The following PALS2 variants were observed in gnomAD, a reference collection of about 807,000 sequenced individuals.
PALS2 encodes the protein protein PALS2.
PALS2 carries 27 observed loss-of-function variants against 61.6 expected under a neutral mutation model. The observed-to-expected ratio is 0.44, with a 90% CI of 0.32 to 0.60. The LOEUF (loss-of-function observed/expected upper bound fraction) is 0.60, where lower values mean the gene tolerates loss of function less well. Ranked by LOEUF, PALS2 falls within the 20% of genes least tolerant of loss-of-function variation. PALS2 has a pLI of 0.05. For synonymous variants in PALS2, 236 were observed against 218.6 expected, an observed-to-expected ratio of 1.08 and a Z score of -0.70; for missense variants, 554 against 639.4, an observed-to-expected ratio of 0.87 and a Z score of 1.44.
intron 11 of PALS2, among the ~76,000 whole-genome samples, chr7:24,681,155 G>T (rs1787906236): frequency 6.6e-6 from 1 of 151,788 alleles, no homozygotes; most frequent in African/African-American, 2.4e-5. Context: ...TTTATTATAT[G>T]GTTTATCATT....
intron 3 of PALS2, among the ~76,000 whole-genome samples, chr7:24,642,437 G>A (rs1014798657): frequency 3.9e-5 from 6 of 152,092 alleles, no homozygotes; most frequent in Non-Finnish European, 4.4e-5. Context: ...TCTTGTAAAC[G>A]TATAATAATT....
At chr7:24,612,326 A>G (rs924912270) in intron 1 of PALS2, among the ~76,000 whole-genome samples, 3 of 151,916 alleles carry the variant, frequency 2.0e-5, no homozygotes, top group African/African-American at 7.2e-5. Flanking sequence ...ATACTGCACT[A>G]TTTGAATATA....
In PALS2 at chr7:24,665,569, T is replaced by C; in HGVS notation, c.784-19T>C. The C allele has an allele frequency of 6.2e-7, 1 of 1,610,404 alleles. No homozygotes were observed. Among genetic ancestry groups the C allele is most frequent in the South Asian group, 1.1e-5 (1 of 90,968 alleles). On this transcript the variant is annotated intron_variant, in intron 6 of 11. Transcript: ENST00000222644. ...AAATTTTGGTCACTGAGATGTACAA[T>C]TCATTAATTTGATTCTAGGCTAGCC...
At chr7:24,665,389 T>G (rs970699934) in intron 6 of PALS2, among the ~76,000 whole-genome samples, 199 bp from the exon 7 acceptor site, 7 of 152,208 alleles carry the variant, frequency 4.6e-5, no homozygotes, top group African/African-American at 1.7e-4. Context: ...ATGACAGATA[T>G]GAAGAATTTT....
At chr7:24,673,565 C>T (rs10268614) in intron 9 of PALS2, among the ~76,000 whole-genome samples, 3,599 of 152,144 alleles carry the variant, frequency 0.024, 56 homozygotes, top group Non-Finnish European at 0.034. Flanking sequence ...TTAGTTCAGT[C>T]TCTTTCCTTG....
Position 24,618,945 on chromosome 7 carries a change from T to C in PALS2, c.-2-4721T>C, listed in dbSNP as rs1784392039. On this transcript the variant is annotated intron_variant, in intron 1 of 11. Transcript: ENST00000222644. This position sits in a 1 kb window ranked among gnomAD's most constrained non-coding sequence, Gnocchi z 5.1. ...CTTACCGTCAGCCATCTTACTGACA[T>C]CACTCTTCGTGTCTTGTCTTTTTTT... Among the ~76,000 whole-genome samples, 1 of 152,268 alleles carries C rather than the reference T, an allele frequency of 6.6e-6. No homozygotes were observed. Among genetic ancestry groups the C allele is most frequent in the African/African-American group, 2.4e-5 (1 of 41,474 alleles).
chr7:24,637,038 A>G (rs544254119), intron 2 of PALS2, among the ~76,000 whole-genome samples: 13 of 152,180 alleles, frequency 8.5e-5, no homozygotes, highest in Admixed American at 2.0e-4. Flanking sequence ...AATACTATTA[A>G]AGCCAAGCTT....
chr7:24,665,260 A>G (rs887468783), intron 6 of PALS2, among the ~76,000 whole-genome samples: 2 of 152,238 alleles, frequency 1.3e-5, no homozygotes, highest in Non-Finnish European at 2.9e-5. Context: ...AGGGTGCTAG[A>G]TAAAATGTCC....
intron 1 of PALS2, among the ~76,000 whole-genome samples, chr7:24,615,464 G>A (rs1475190975): frequency 6.6e-6 from 1 of 151,854 alleles, no homozygotes; most frequent in African/African-American, 2.4e-5. Flanking sequence ...ACAACTATAT[G>A]TCAATACATT....
intron 4 of PALS2, 39 bp from the exon 5 acceptor site, chr7:24,650,446 C>G: frequency 6.9e-7 from 1 of 1,442,624 alleles, no homozygotes; most frequent in Non-Finnish European, 9.4e-7. Context: ...GCATTTCTCC[C>G]TAATAATTAA....
chr7:24,659,615 A>G (rs1441949407), intron 5 of PALS2, among the ~76,000 whole-genome samples: 1 of 152,192 alleles, frequency 6.6e-6, no homozygotes, highest in East Asian at 1.9e-4. Context: ...GATGTAGTTT[A>G]GCTCATAACC....
rs1334826545 is a variant in PALS2, at chr7:24,692,722, A to G, written c.*5108A>G. Reference sequence around the variant, plus strand: ...CTTGCTGCCAACCAGACCACTCACAAATCAAACAAAATGTAAGCAAGCAAT... The same window carrying G: ...CTTGCTGCCAACCAGACCACTCACAGATCAAACAAAATGTAAGCAAGCAAT... On this transcript the variant is annotated 3_prime_UTR_variant, in exon 12 of 12. Transcript: ENST00000222644. 2.6e-5 allele frequency: 4 copies of G among 152,152 alleles called. No homozygotes were observed. Among genetic ancestry groups the G allele is most frequent in the Admixed American group, 2.6e-4 (4 of 15,276 alleles). 9.4% of individuals were successfully genotyped at this position (152,152 alleles called of 1,614,324 possible). A position where few individuals can be genotyped will look rare whatever the true frequency, so the allele number is the denominator to read the frequency against.
At chr7:24,683,857 CTTATT>C (rs1433078797) in intron 11 of PALS2, among the ~76,000 whole-genome samples, 5 of 152,124 alleles carry the variant, frequency 3.3e-5, no homozygotes, top group African/African-American at 9.7e-5. Flanking sequence ...TTTTATTTAA[CTTATT>C]TTATCTTATA....
At position 24,675,833 on chromosome 7, in the gene PALS2, A is replaced by G. The variant is rs541732571; in HGVS notation, c.1115-3298A>G. 3.2e-3 allele frequency among the ~76,000 whole-genome samples: 401 copies of G among 126,030 alleles called. 3 individuals carry two copies. Among genetic ancestry groups the G allele is most frequent in the African/African-American group, 0.014 (362 of 25,780 alleles). The allele number at this position is 126,030 out of a possible 152,430, so 82.7% of individuals were successfully genotyped here. A position where few individuals can be genotyped will look rare whatever the true frequency, so the allele number is the denominator to read the frequency against. On this transcript the variant is annotated intron_variant, in intron 9 of 11. Transcript: ENST00000222644. Reference sequence around the variant, plus strand: ...TGGTTCCAAGTCTTTGCTATTATGAATAATGCCGCAATAAACATACGTGTG... The same window carrying G: ...TGGTTCCAAGTCTTTGCTATTATGAGTAATGCCGCAATAAACATACGTGTG...
intron 1 of PALS2, among the ~76,000 whole-genome samples, chr7:24,619,493 G>C (rs532576375): frequency 3.3e-4 from 50 of 152,090 alleles, no homozygotes; most frequent in Non-Finnish European, 6.3e-4. Context: ...CGAGGTGGGC[G>C]GATCAGGAGG....
In PALS2 at chr7:24,680,350, C is replaced by A. The variant is rs748165573; in HGVS notation, c.1318-42C>A. 9 of 1,574,150 alleles carry A rather than the reference C, an allele frequency of 5.7e-6. 1 individual carries two copies. The highest frequency in any genetic ancestry group is 7.9e-6 in the Non-Finnish European group (9 of 1,145,794). ...ACTAAAGGGTAGCAGAATTCTAGTT[C>A]TAATATTGTATAAATTGGCTTATAA... On this transcript the variant is annotated intron_variant, in intron 10 of 11. Coordinates refer to ENST00000222644, the MANE Select transcript of PALS2 (RefSeq NM_001303037.2).
At chr7:24,598,901 A>G (rs1021116123) in intron 1 of PALS2, among the ~76,000 whole-genome samples, 1 of 152,202 alleles carries the variant, frequency 6.6e-6, no homozygotes, top group Non-Finnish European at 1.5e-5. Context: ...TACTGTCAAA[A>G]ATGTTTTTTG....
rs756042101 is a variant in PALS2, at chr7:24,623,795, T to G, written c.117+11T>G. 6.8e-7 allele frequency: 1 copy of G among 1,477,074 alleles called. No homozygotes were observed. The highest frequency in any genetic ancestry group is 9.3e-7 in the Non-Finnish European group (1 of 1,079,036). The allele number at this position is 1,477,074 out of a possible 1,614,324, so 91.5% of individuals were successfully genotyped here. On this transcript the variant is annotated intron_variant, in intron 2 of 11. Transcript: ENST00000222644. The stretch of plus-strand genomic sequence containing the variant: ...AAATCACTTGCTAAGGTATATAGAT[T>G]TATTCATAAGATTACTGAATTATTT...
At position 24,679,032 on chromosome 7, in the gene PALS2, G is replaced by C. The variant is rs551867204; in HGVS notation, c.1115-99G>C. 3 of 987,048 alleles carry C rather than the reference G, an allele frequency of 3.0e-6. No homozygotes were observed. In the African/African-American group the frequency reaches 4.9e-5, roughly 16 times the overall value. 61.1% of individuals were successfully genotyped at this position (987,048 alleles called of 1,614,324 possible). A position where few individuals can be genotyped will look rare whatever the true frequency, so the allele number is the denominator to read the frequency against. ...ATCTGGTCATAGCCTACAGTTTGCT[G>C]CACCCAGTGGAAAAACGTTAAGCCA... On this transcript the variant is annotated intron_variant, in intron 9 of 11. Transcript: ENST00000222644.
Sources: gnomAD v4.1 joint callset for allele counts (sites outside exome capture counted in the v4.1 genomes callset) on GRCh38, gnomAD v4.1.1 for gene constraint, Gnocchi (gnomAD v3.1) non-coding constraint, MANE v1.5 for transcripts, NCBI Gene and HGNC (gene_info 2026-07-23, HGNC 2026-07-21) for gene names.